STXBP3: variants seen among roughly 807,000 people sequenced by gnomAD.
STXBP3 encodes the protein syntaxin binding protein 3.
In STXBP3, 41 loss-of-function variants were observed where a neutral mutation model predicts 85.7. That is an observed-to-expected ratio of 0.48 (90% CI 0.37 to 0.62). STXBP3 has a LOEUF of 0.62. Among genes scored for constraint, STXBP3 ranks in the 20% least tolerant of loss-of-function variants. STXBP3 has a pLI of 0.00. For missense variants in STXBP3, 563 were observed against 703.1 expected, an observed-to-expected ratio of 0.80 and a Z score of 2.25; for synonymous variants, 229 against 231.7, an observed-to-expected ratio of 0.99 and a Z score of 0.10.
intron 11 of STXBP3, among the ~76,000 whole-genome samples, chr1:108,792,969 T>TTG (rs764487151): frequency 1.2e-4 from 18 of 152,168 alleles, no homozygotes; most frequent in African/African-American, 3.9e-4. Context: ...CTCTGAAATC[T>TTG]TGTCCAACAT....
At chr1:108,775,919 A>AC (rs1491216626) in intron 7 of STXBP3, among the ~76,000 whole-genome samples, 9 of 70,498 alleles carry the variant, frequency 1.3e-4, no homozygotes, top group African/African-American at 4.8e-4. Flanking sequence ...GATAAATCTC[A>AC]AACACACACA....
chr1:108,793,548 A>T, intron 11 of STXBP3, 34 bp from the exon 12 acceptor site: 2 of 1,560,746 alleles, frequency 1.3e-6, no homozygotes, highest in Non-Finnish European at 1.8e-6. Context: ...ACTGAATCAT[A>T]GGCTTGCCTA....
intron 6 of STXBP3, among the ~76,000 whole-genome samples, chr1:108,762,022 T>G (rs1023829640): frequency 4.6e-5 from 7 of 152,134 alleles, no homozygotes; most frequent in Non-Finnish European, 1.0e-4. Context: ...TTGGAGAAAT[T>G]ACATTGAAAA....
rs370745073 is a variant in STXBP3 at position 108,798,138 on chromosome 1, G to C, written c.1357-7G>C. ...GGTTTTTAATTTTTTTCCTCTAATTGTATTAGTCTCAACAAGGCAAACCGT... is the reference window on the plus strand; with the variant it reads ...GGTTTTTAATTTTTTTCCTCTAATTCTATTAGTCTCAACAAGGCAAACCGT... On this transcript the variant is annotated splice_polypyrimidine_tract_variant and splice_region_variant and intron_variant, in intron 15 of 18. Transcript: ENST00000370008. 1.2e-5 allele frequency: 19 copies of C among 1,594,390 alleles called. No homozygotes were observed. The highest frequency in any genetic ancestry group is 1.6e-5 in the Non-Finnish European group (19 of 1,173,224).
At chr1:108,756,959 G>A in intron 4 of STXBP3, 193 bp downstream of exon 4, 1 of 371,776 alleles carries the variant, frequency 2.7e-6, no homozygotes, top group Non-Finnish European at 4.9e-6. Context: ...ATAAGTAAAA[G>A]GATTCCTTTT....
In STXBP3 at chr1:108,807,376, T is replaced by A. The variant is rs192606054; in HGVS notation, c.1536-25T>A. 877 of 1,556,930 alleles carry A rather than the reference T, an allele frequency of 5.6e-4. 3 individuals are homozygous for A. Among genetic ancestry groups the A allele is most frequent in the Non-Finnish European group, 6.9e-4 (797 of 1,147,466 alleles). On this transcript the variant is annotated intron_variant, in intron 17 of 18. Coordinates refer to ENST00000370008, the MANE Select transcript of STXBP3 (RefSeq NM_007269.4). ...TGGAAATGTTTATAACATGTTTACT[T>A]TTTTTTTTTTAAATTACTTTTTAGT... is the stretch of plus-strand genomic sequence containing the variant.
chr1:108,752,295 G>A lies in STXBP3; in HGVS notation c.88G>A (p.Gly30Ser), dbSNP rs752489760. Reference sequence around the variant, plus strand: ...AGTGTTTGATGACTGCAAGAAAGAAGGCGAATGGAAGGTAGAGTTTGCATA... The same window carrying A: ...AGTGTTTGATGACTGCAAGAAAGAAAGCGAATGGAAGGTAGAGTTTGCATA... ...ATVFDDCKKEGEWKIMLLDEF... is the reference protein window; with the variant it reads ...ATVFDDCKKESEWKIMLLDEF... Residue 30 changes from glycine (G) to serine (S), a missense_variant, in exon 2 of 19, where the codon GGC (glycine) becomes AGC (serine). Physicochemically the swap from Gly to Ser is moderately conservative, Grantham distance 56. Coordinates refer to ENST00000370008, the MANE Select transcript of STXBP3 (RefSeq NM_007269.4). The A allele has an allele frequency of 6.2e-7, 1 of 1,610,666 alleles. No homozygotes were observed. The highest frequency in any genetic ancestry group is 8.5e-7 in the Non-Finnish European group (1 of 1,178,212).
chr1:108,770,294 T>G (rs890740898), intron 6 of STXBP3, among the ~76,000 whole-genome samples: 14 of 152,014 alleles, frequency 9.2e-5, no homozygotes, highest in African/African-American at 3.4e-4. Flanking sequence ...GTCCCCATCT[T>G]AAAAAACAAA....
intron 2 of STXBP3, 127 bp downstream of exon 2, chr1:108,752,433 G>A (rs918722675): frequency 5.2e-5 from 42 of 811,946 alleles, no homozygotes; most frequent in South Asian, 3.3e-4. Context: ...ATAATTTGAC[G>A]TATGTGGGAG....
intron 4 of STXBP3, 78 bp downstream of exon 4, chr1:108,756,844 G>A (rs1662032439): frequency 8.2e-6 from 9 of 1,093,830 alleles, no homozygotes; most frequent in Non-Finnish European, 1.2e-5. Context: ...AAAATTCAAA[G>A]TAATAAAGTA....
intron 15 of STXBP3, 27 bp from the exon 16 acceptor site, chr1:108,798,118 T>C (rs961135070): frequency 6.5e-7 from 1 of 1,547,672 alleles, no homozygotes; most frequent in African/African-American, 1.4e-5. Context: ...TTACTGGTTT[T>C]TAATTTTTTT....
At chr1:108,796,167 A>G in intron 13 of STXBP3, 67 bp from the exon 14 acceptor site, 6 of 1,549,392 alleles carry the variant, frequency 3.9e-6, no homozygotes, top group Non-Finnish European at 5.3e-6. Flanking sequence ...CCAGCCAATA[A>G]TAGATGTTTT....
intron 4 of STXBP3, among the ~76,000 whole-genome samples, chr1:108,757,605 A>G (rs1662048629): frequency 6.6e-6 from 1 of 151,954 alleles, no homozygotes; most frequent in Admixed American, 6.6e-5. Flanking sequence ...ATGGGTATGT[A>G]TGTGTGTGTG....
intron 6 of STXBP3, among the ~76,000 whole-genome samples, chr1:108,768,589 C>T (rs890011578): frequency 1.3e-4 from 20 of 152,232 alleles, no homozygotes; most frequent in African/African-American, 4.8e-4. Context: ...GAAAGATAGG[C>T]TCTCTGTAGG....
chr1:108,776,089 A>C (rs1662585556), intron 7 of STXBP3, among the ~76,000 whole-genome samples: 1 of 152,094 alleles, frequency 6.6e-6, no homozygotes, highest in Non-Finnish European at 1.5e-5. Flanking sequence ...TTTACATGTA[A>C]TATTTTATTT....
At chr1:108,802,194 C>T (rs917635327) in intron 17 of STXBP3, among the ~76,000 whole-genome samples, 2 of 151,898 alleles carry the variant, frequency 1.3e-5, no homozygotes, top group African/African-American at 2.4e-5. Flanking sequence ...GTCAGGAGTT[C>T]GAGACCAGCC....
Position 108,803,603 on chromosome 1 carries a change from C to CT in STXBP3, c.1535+3299dup, listed in dbSNP as rs554455616. On this transcript the variant is annotated intron_variant, in intron 17 of 18. Transcript: ENST00000370008. Reference sequence around the variant, plus strand: ...TCCCGGACTCAAGCAGTCCTCGTGTCTCAGCCTCCTGACTAGCTGGGATTA... The same window carrying CT: ...TCCCGGACTCAAGCAGTCCTCGTGTCTTCAGCCTCCTGACTAGCTGGGATTA... Among the ~76,000 whole-genome samples, 64 of 152,298 alleles carry CT rather than the reference C, an allele frequency of 4.2e-4. No individual in the cohort carries two copies. In the South Asian group the frequency reaches 6.0e-3, roughly 14 times the overall value.
rs545113808 is a variant in STXBP3, at chr1:108,755,204, G to A, written c.182-1486G>A. On this transcript the variant is annotated intron_variant, in intron 3 of 18. Transcript: ENST00000370008. The stretch of plus-strand genomic sequence containing the variant: ...CTCATGCCTGTAATCCCAGCACTTC[G>A]GGAGGCTGAGGCAGGAAGATCACTT... 4.6e-5 allele frequency among the ~76,000 whole-genome samples: 7 copies of A among 152,210 alleles called. No individual in the cohort carries two copies. The South Asian group carries it at 6.2e-4, about 14-fold the overall frequency.
chr1:108,757,730 GA>G (rs1032261604), intron 4 of STXBP3, among the ~76,000 whole-genome samples: 3 of 151,916 alleles, frequency 2.0e-5, no homozygotes, highest in African/African-American at 7.2e-5. Flanking sequence ...TTGTTATCAA[GA>G]ACCTTAAAAA....
Sources: allele counts gnomAD v4.1 joint callset (sites outside exome capture counted in the v4.1 genomes callset), GRCh38; gene constraint gnomAD v4.1.1; transcripts MANE v1.5; gene names NCBI Gene and HGNC (gene_info 2026-07-23, HGNC 2026-07-21).